NTNG1: variants seen among roughly 807,000 people sequenced by gnomAD.
The protein encoded by NTNG1 is netrin-G1.
NTNG1 carries 16 observed loss-of-function variants against 54.0 expected under a neutral mutation model. That is an observed-to-expected ratio of 0.30 (90% CI 0.20 to 0.45). NTNG1 has a LOEUF of 0.45. Ranked by LOEUF, NTNG1 falls within the 20% of genes least tolerant of loss-of-function variation. The pLI, the probability that NTNG1 is intolerant of heterozygous loss-of-function variation, is 1.00. For missense variants in NTNG1, 530 were observed against 678.7 expected (o/e 0.78, Z 2.43); for synonymous variants, 255 against 263.1 (o/e 0.97, Z 0.30).
chr1:107,311,536 A>G (rs1434845063), intron 2 of NTNG1, among the ~76,000 whole-genome samples: 2 of 152,112 alleles, frequency 1.3e-5, no homozygotes, highest in Admixed American at 6.6e-5. Flanking sequence ...TTTTTTTTCT[A>G]CATTGCTTAT....
intron 2 of NTNG1, among the ~76,000 whole-genome samples, chr1:107,165,565 T>G (rs1398172663): frequency 6.6e-6 from 1 of 152,108 alleles, no homozygotes; most frequent in African/African-American, 2.4e-5. Flanking sequence ...CACATCAGAT[T>G]GTAAGCTCCT....
Position 107,295,222 on chromosome 1 carries a change from C to T in NTNG1, c.247-29060C>T, listed in dbSNP as rs143227123. Among the ~76,000 whole-genome samples the T allele has an allele frequency of 7.2e-3, 1,092 of 152,244 alleles. 7 individuals carry two copies. The highest frequency in any genetic ancestry group is 0.024 in the Middle Eastern group (7 of 294). On this transcript the variant is annotated intron_variant, in intron 2 of 7. Coordinates refer to ENST00000370068, the MANE Select transcript of NTNG1 (RefSeq NM_001113226.3). ...CACTTGAATATTCCTGTAGGTCTCA[C>T]CCAACTTTGCTTCTTTTCTTGTGGT...
intron 7 of NTNG1, among the ~76,000 whole-genome samples, chr1:107,475,885 T>A (rs1678289451): frequency 6.6e-6 from 1 of 152,148 alleles, no homozygotes; most frequent in Admixed American, 6.5e-5. Context: ...CCAAAAAAAA[T>A]GTCTCCAGAC....
In NTNG1 at chr1:107,481,891, A is replaced by G. The variant is rs1678735798; in HGVS notation, c.*1051A>G. ...TTGTATTGCAATTTCTTAAGATGAA[A>G]GGAACAGCCACCAAGCAGTTTCACA... On this transcript the variant is annotated 3_prime_UTR_variant, in exon 8 of 8. Transcript: ENST00000370068. 6.6e-6 allele frequency: 1 copy of G among 152,440 alleles called. No homozygotes were observed. The highest frequency in any genetic ancestry group is 2.1e-4 in the South Asian group (1 of 4,822). 9.4% of individuals were successfully genotyped at this position (152,440 alleles called of 1,614,324 possible).
intron 2 of NTNG1, among the ~76,000 whole-genome samples, chr1:107,169,025 A>G (rs886783066): frequency 2.0e-5 from 3 of 152,194 alleles, no homozygotes; most frequent in Admixed American, 6.5e-5. Context: ...TTTAATCTGT[A>G]AATGCATTAT....
At chr1:107,292,028 A>G (rs1391023183) in intron 2 of NTNG1, among the ~76,000 whole-genome samples, 1 of 152,186 alleles carries the variant, frequency 6.6e-6, no homozygotes, top group Admixed American at 6.5e-5. Flanking sequence ...AGAAATTTAC[A>G]AAGAGAAGCG....
At chr1:107,476,233 G>T (rs74371476) in intron 7 of NTNG1, among the ~76,000 whole-genome samples, 2 of 152,150 alleles carry the variant, frequency 1.3e-5, no homozygotes, top group East Asian at 1.9e-4. Flanking sequence ...ATCCTTTATG[G>T]TCTTTCTCTT....
At chr1:107,466,735 A>G (rs868063764) in intron 7 of NTNG1, among the ~76,000 whole-genome samples, 1 of 152,244 alleles carries the variant, frequency 6.6e-6, no homozygotes, top group South Asian at 2.1e-4. Flanking sequence ...ATCCAAACCA[A>G]TTCATAAATT....
chr1:107,272,276 A>G (rs780907188), intron 2 of NTNG1, among the ~76,000 whole-genome samples: 4 of 152,124 alleles, frequency 2.6e-5, no homozygotes, highest in Non-Finnish European at 4.4e-5. Context: ...TTCTCGAATA[A>G]TGTTTTTTCC....
At chr1:107,266,968 AC>A (rs139736573) in intron 2 of NTNG1, among the ~76,000 whole-genome samples, 6,129 of 152,286 alleles carry the variant, frequency 0.04, 133 homozygotes, top group Non-Finnish European at 0.052. Context: ...AATTCAAAGC[AC>A]TAAAGGGTCA....
chr1:107,328,521 T>G (rs1215221647), intron 3 of NTNG1, among the ~76,000 whole-genome samples: 1 of 152,142 alleles, frequency 6.6e-6, no homozygotes, highest in African/African-American at 2.4e-5. Context: ...GAGGAGAAAT[T>G]AGAAGTAAAT....
intron 3 of NTNG1, among the ~76,000 whole-genome samples, chr1:107,352,535 G>A (rs1249691260): frequency 6.6e-6 from 1 of 152,134 alleles, no homozygotes; most frequent in Non-Finnish European, 1.5e-5. Context: ...TTCCACCTAT[G>A]AGTCTGTAAA....
chr1:107,187,988 A>G (rs1272757035), intron 2 of NTNG1, among the ~76,000 whole-genome samples: 1 of 152,174 alleles, frequency 6.6e-6, no homozygotes, highest in African/African-American at 2.4e-5. Flanking sequence ...TTTATGCTGC[A>G]TGATCATACA....
In NTNG1 at chr1:107,178,823, A is replaced by G. The variant is rs576778581; in HGVS notation, c.246+29984A>G. On this transcript the variant is annotated intron_variant, in intron 2 of 7. Coordinates refer to ENST00000370068, the MANE Select transcript of NTNG1 (RefSeq NM_001113226.3). Reference sequence around the variant, plus strand: ...AGCCATGGCGACACACAACATAAAAATCTTAGTGGCTTGCAACATGTTAGC... The same window carrying G: ...AGCCATGGCGACACACAACATAAAAGTCTTAGTGGCTTGCAACATGTTAGC... 2.0e-5 allele frequency among the ~76,000 whole-genome samples: 3 copies of G among 152,310 alleles called. No individual in the cohort carries two copies. In the East Asian group the frequency reaches 5.8e-4, roughly 29 times the overall value.
At position 107,458,528 on chromosome 1, in the gene NTNG1, T is replaced by C. The variant is rs1677086107; in HGVS notation, c.1390+21729T>C. Among the ~76,000 whole-genome samples the C allele has an allele frequency of 3.9e-5, 6 of 152,240 alleles. No homozygotes were observed. The South Asian group carries it at 1.0e-3, about 26-fold the overall frequency. ...GACCATCTGGCTTAAAATTAAAAAA[T>C]AGGTATCATTTGAGACATGGACAGA... On this transcript the variant is annotated intron_variant, in intron 7 of 7. Transcript: ENST00000370068.
At chr1:107,449,732 A>AC (rs1473021190) in intron 7 of NTNG1, among the ~76,000 whole-genome samples, 1 of 151,460 alleles carries the variant, frequency 6.6e-6, no homozygotes, top group East Asian at 1.9e-4. Flanking sequence ...AAAAAAAAAA[A>AC]ACCTTCAAAA....
chr1:107,198,561 G>A (rs930261265), intron 2 of NTNG1, among the ~76,000 whole-genome samples: 1 of 151,906 alleles, frequency 6.6e-6, no homozygotes, highest in Non-Finnish European at 1.5e-5. Context: ...CAGTACTTGT[G>A]TGTCTGCTTC....
intron 2 of NTNG1, among the ~76,000 whole-genome samples, chr1:107,231,500 G>T (rs1410300605): frequency 1.3e-5 from 2 of 152,146 alleles, no homozygotes; most frequent in African/African-American, 2.4e-5. Flanking sequence ...AGGACTATTT[G>T]TGGTATTTTG....
chr1:107,431,005 G>A (rs1557994152), intron 6 of NTNG1, 88 bp downstream of exon 6: 3 of 1,229,468 alleles, frequency 2.4e-6, no homozygotes, highest in East Asian at 4.9e-5. Context: ...GATTTGCACC[G>A]CGGTTGAGCC....
Sources: gnomAD v4.1 joint callset for allele counts (sites outside exome capture counted in the v4.1 genomes callset) on GRCh38, gnomAD v4.1.1 for gene constraint, MANE v1.5 for transcripts, NCBI Gene and HGNC (gene_info 2026-07-23, HGNC 2026-07-21) for gene names.